The following CSMD1 variants were observed in gnomAD, a reference collection of about 807,000 sequenced individuals.
CSMD1 encodes the protein CUB and Sushi multiple domains 1, also known as CUB and sushi domain-containing protein 1.
CSMD1 carries 213 observed loss-of-function variants against 417.5 expected under a neutral mutation model. The observed-to-expected ratio is 0.51, with a 90% CI of 0.46 to 0.57. The LOEUF (loss-of-function observed/expected upper bound fraction) is 0.57, where lower values mean the gene tolerates loss of function less well. Among genes scored for constraint, CSMD1 ranks in the 20% least tolerant of loss-of-function variants. The pLI, the probability that CSMD1 is intolerant of heterozygous loss-of-function variation, is 0.00. For missense variants in CSMD1, 6,923 were observed against 4,529.7 expected (o/e 1.53, Z -15.17); for synonymous variants, 2,862 against 1,736.8 (o/e 1.65, Z -16.11).
chr8:3,517,568 C>G (rs879232659), intron 10 of CSMD1, among the ~76,000 whole-genome samples: 4 of 152,178 alleles, frequency 2.6e-5, no homozygotes, highest in Admixed American at 2.6e-4. Flanking sequence ...TCATTCCACA[C>G]TGCTGTCCTC....
intron 1 of CSMD1, among the ~76,000 whole-genome samples, chr8:4,667,565 A>C (rs1340595161): frequency 6.6e-6 from 1 of 152,164 alleles, no homozygotes; most frequent in East Asian, 1.9e-4. Flanking sequence ...TTCAAAATTC[A>C]GATTTTTATA....
At position 3,815,179 on chromosome 8, in the gene CSMD1, G is replaced by C. The variant is rs117557105; in HGVS notation, c.819-61137C>G. ...GGTGAGAAGCTGTTAAGTTTCTATAGTCCCAGGTCAACATAGTTTCTTTCT... is the reference window on the plus strand; with the variant it reads ...GGTGAGAAGCTGTTAAGTTTCTATACTCCCAGGTCAACATAGTTTCTTTCT... On this transcript the variant is annotated intron_variant, in intron 5 of 69. Coordinates refer to ENST00000635120, the MANE Select transcript of CSMD1 (RefSeq NM_033225.6). 1.4e-4 allele frequency among the ~76,000 whole-genome samples: 22 copies of C among 152,272 alleles called. No homozygotes were observed. The East Asian group carries it at 3.3e-3, about 23-fold the overall frequency.
intron 2 of CSMD1, among the ~76,000 whole-genome samples, chr8:4,561,553 G>C (rs59655462): frequency 6.6e-6 from 1 of 152,060 alleles, no homozygotes; most frequent in South Asian, 2.1e-4. Flanking sequence ...ATGGTGGCAT[G>C]CACCAGTAGC....
intron 65 of CSMD1, among the ~76,000 whole-genome samples, chr8:2,953,417 T>C (rs1802771483): frequency 6.7e-6 from 1 of 149,842 alleles, no homozygotes; most frequent in Non-Finnish European, 1.5e-5. Flanking sequence ...ATACAAATAC[T>C]CTTTCCATGT....
chr8:3,414,885 G>A (rs182417587), intron 12 of CSMD1, among the ~76,000 whole-genome samples: 8 of 152,154 alleles, frequency 5.3e-5, no homozygotes, highest in African/African-American at 1.7e-4. Context: ...CTTGCTCGGG[G>A]ATGGCCTGTA....
chr8:4,621,260 C>A (rs1237535529), intron 2 of CSMD1, among the ~76,000 whole-genome samples: 1 of 151,832 alleles, frequency 6.6e-6, no homozygotes, highest in Non-Finnish European at 1.5e-5. Flanking sequence ...ATATACATAA[C>A]CTGAAGACAA....
chr8:4,327,114 G>A (rs767718571), intron 3 of CSMD1, among the ~76,000 whole-genome samples: 1 of 152,144 alleles, frequency 6.6e-6, no homozygotes, highest in Non-Finnish European at 1.5e-5. Context: ...GGGGAATCCA[G>A]CTGTAATATC....
At chr8:3,927,357 G>A (rs2954609) in intron 5 of CSMD1, among the ~76,000 whole-genome samples, 2 of 151,736 alleles carry the variant, frequency 1.3e-5, no homozygotes, top group African/African-American at 2.4e-5. Flanking sequence ...AAAAAGGAAA[G>A]GTATCACTGT....
chr8:4,606,973 T>C (rs1039365401), intron 2 of CSMD1, among the ~76,000 whole-genome samples: 1 of 152,208 alleles, frequency 6.6e-6, no homozygotes, highest in East Asian at 1.9e-4. Context: ...ATTGCTAAGA[T>C]GCAAGTTAAA....
intron 5 of CSMD1, among the ~76,000 whole-genome samples, chr8:3,898,393 T>A (rs146815427): frequency 1.5e-4 from 23 of 152,306 alleles, no homozygotes; most frequent in African/African-American, 5.1e-4. Flanking sequence ...GAAAGAAAAG[T>A]TACTAATCAA....
At chr8:4,241,486 G>A (rs1252512444) in intron 3 of CSMD1, among the ~76,000 whole-genome samples, 7 of 152,250 alleles carry the variant, frequency 4.6e-5, no homozygotes, top group African/African-American at 1.2e-4. Context: ...ATGCAGTGAG[G>A]ATGTGTCTTT....
intron 5 of CSMD1, among the ~76,000 whole-genome samples, chr8:3,864,972 G>T (rs1006092608): frequency 1.3e-4 from 20 of 152,160 alleles, no homozygotes; most frequent in Admixed American, 1.3e-3. Flanking sequence ...TCCAGTTTTG[G>T]CAGCATGACA....
chr8:3,739,399 G>A (rs1796683393), intron 6 of CSMD1, among the ~76,000 whole-genome samples: 1 of 152,172 alleles, frequency 6.6e-6, no homozygotes, highest in African/African-American at 2.4e-5. Flanking sequence ...TAGAAGACAG[G>A]ATTTAGAATG....
chr8:3,243,430 G>C (rs1276576674), intron 26 of CSMD1, among the ~76,000 whole-genome samples: 1 of 151,078 alleles, frequency 6.6e-6, no homozygotes, highest in Non-Finnish European at 1.5e-5. Flanking sequence ...GTCACTGAAG[G>C]GAGACTTTGA....
intron 50 of CSMD1, among the ~76,000 whole-genome samples, chr8:3,030,127 T>C (rs1810244235): frequency 1.3e-5 from 2 of 152,070 alleles, no homozygotes; most frequent in South Asian, 4.1e-4. Flanking sequence ...AGCAGTTACT[T>C]AAGAAAGAGT....
Position 3,708,418 on chromosome 8 carries a change from A to T in CSMD1, c.1005T>A (p.Ser335=), listed in dbSNP as rs557864661. 12 of 1,613,616 alleles carry T rather than the reference A, an allele frequency of 7.4e-6. No homozygotes were observed. Among genetic ancestry groups the T allele is most frequent in the Non-Finnish European group, 1.0e-5 (12 of 1,179,634 alleles). The change falls in exon 7 of 70, where the codon TCT becomes TCA. Residue 335 remains serine (S), a synonymous_variant. Transcript: ENST00000635120. ...ATAGAAAGGAAAGGGACTCACAGAC[A>T]GAGTTTTTATGGCTTCCATCCTTGC... ...LPSKDGSHKN[S]VLSQGGVALV...
At chr8:3,153,763 A>C (rs1819343176) in intron 39 of CSMD1, among the ~76,000 whole-genome samples, 1 of 152,188 alleles carries the variant, frequency 6.6e-6, no homozygotes, top group South Asian at 2.1e-4. Context: ...CACACAGACC[A>C]ACTCTCTGTG....
chr8:4,907,516 G>GAA (rs1554516908), intron 1 of CSMD1, among the ~76,000 whole-genome samples: 75 of 133,866 alleles, frequency 5.6e-4, no homozygotes, highest in Non-Finnish European at 1.1e-3. Flanking sequence ...GAATTAAATG[G>GAA]AAAAAAAATT....
At chr8:4,545,928 G>T (rs988934321) in intron 2 of CSMD1, among the ~76,000 whole-genome samples, 1 of 150,930 alleles carries the variant, frequency 6.6e-6, no homozygotes, top group Non-Finnish European at 1.5e-5. Context: ...TCACATTCTT[G>T]CCTATTCTTT....
Sources: allele counts gnomAD v4.1 joint callset (sites outside exome capture counted in the v4.1 genomes callset), GRCh38; gene constraint gnomAD v4.1.1; transcripts MANE v1.5; gene names NCBI Gene and HGNC (gene_info 2026-07-23, HGNC 2026-07-21).